METRN: variants seen among roughly 807,000 people sequenced by gnomAD.
The protein encoded by METRN is meteorin, glial cell differentiation regulator.
A neutral mutation model predicts 17.4 loss-of-function variants in METRN; 17 were observed. That is an observed-to-expected ratio of 0.98 (90% CI 0.67 to 1.46). The LOEUF (loss-of-function observed/expected upper bound fraction) is 1.46. Ranked by LOEUF, METRN falls within the 40% of genes most tolerant of loss-of-function variation. The pLI is 0.00. For synonymous variants in METRN, 230 were observed against 210.8 expected, an observed-to-expected ratio of 1.09 and a Z score of -0.79; for missense variants, 489 against 456.2, an observed-to-expected ratio of 1.07 and a Z score of -0.65.
chr16:716,532 C>T (rs988217195), intron 2 of METRN: 2 of 1,525,826 alleles, frequency 1.3e-6, no homozygotes, highest in East Asian at 4.9e-5. Flanking sequence ...ACCACCCTTC[C>T]TCTGCCCCCA....
chr16:716,309 C>T (rs1398682553), intron 2 of METRN: 50 of 1,390,586 alleles, frequency 3.6e-5, no homozygotes, highest in Middle Eastern at 2.7e-4. Context: ...CAAAGCTGTC[C>T]GGGGCTCCCT....
At chr16:716,624 A>G in intron 2 of METRN, 1 of 1,535,330 alleles carries the variant, frequency 6.5e-7, no homozygotes, top group Non-Finnish European at 8.7e-7. Flanking sequence ...TGGGGTGCAT[A>G]TGTCAGATGG....
intron 2 of METRN, chr16:716,489 T>C: frequency 6.7e-7 from 1 of 1,482,666 alleles, no homozygotes; most frequent in South Asian, 1.3e-5. Flanking sequence ...GCTCTCGCTA[T>C]TCTGCCCCCT....
rs1326787376 is a variant in METRN, at chr16:718,652, AC to A, written c.*1268del. 6.8e-6 allele frequency: 1 copy of A among 146,944 alleles called. No homozygotes were observed. Among genetic ancestry groups the A allele is most frequent in the African/African-American group, 2.7e-5 (1 of 37,020 alleles). 9.1% of individuals were successfully genotyped at this position (146,944 alleles called of 1,614,324 possible). A position where few individuals can be genotyped will look rare whatever the true frequency, so the allele number is the denominator to read the frequency against. Reference sequence around the variant, plus strand: ...CTTCCACTGCACGTGCAAGAGACTTACCCTTTCACACAGATCACCTGCCTGC... The same window carrying A: ...CTTCCACTGCACGTGCAAGAGACTTACCTTTCACACAGATCACCTGCCTGC... On this transcript the variant is annotated 3_prime_UTR_variant, in exon 4 of 4. Transcript: ENST00000568223.
At chr16:716,099 G>A (rs1051268343) in intron 2 of METRN, 115 bp downstream of exon 2, 22 of 1,338,906 alleles carry the variant, frequency 1.6e-5, no homozygotes, top group Non-Finnish European at 2.1e-5. Context: ...AGCTACAAGG[G>A]TTGGATGGGC....
In METRN at chr16:715,215, C is replaced by T; in HGVS notation, c.-75C>T. The T allele has an allele frequency of 1.3e-6, 1 of 769,298 alleles. No individual in the cohort carries two copies. The highest frequency in any genetic ancestry group is 1.6e-6 in the Non-Finnish European group (1 of 627,954). 47.7% of individuals were successfully genotyped at this position (769,298 alleles called of 1,614,324 possible). A position where few individuals can be genotyped will look rare whatever the true frequency, so the allele number is the denominator to read the frequency against. ...CGGCCGGCGCCCCCGGCTGCTCCCG[C>T]CGCCGCCCGGACCCGCGCCCCGCCG... On this transcript the variant is annotated 5_prime_UTR_variant, in exon 1 of 4. Transcript: ENST00000568223.
rs759257848 is a variant in METRN, at chr16:719,583, A to T, written c.*2196A>T. On this transcript the variant is annotated 3_prime_UTR_variant, in exon 4 of 4. Transcript: ENST00000568223. Reference sequence around the variant, plus strand: ...GGGAGGCCCAGGCAAGCAGATCATGAGGTCAGGAGATGGAGACCATCCTGG... The same window carrying T: ...GGGAGGCCCAGGCAAGCAGATCATGTGGTCAGGAGATGGAGACCATCCTGG... The T allele has an allele frequency of 1.3e-5, 2 of 152,254 alleles. No homozygotes were observed. The highest frequency in any genetic ancestry group is 2.9e-5 in the Non-Finnish European group (2 of 68,026). 9.4% of individuals were successfully genotyped at this position (152,254 alleles called of 1,614,324 possible). A position where few individuals can be genotyped will look rare whatever the true frequency, so the allele number is the denominator to read the frequency against.
At position 716,952 on chromosome 16, in the gene METRN, C is replaced by T. The variant is rs112288908; in HGVS notation, c.525C>T (p.Ser175=). ...TGCCAGGTGCCTGCAGGCCCTGCAGCGACGCTGAGCTGCTCCTGGCCGCAT... is the reference window on the plus strand; with the variant it reads ...TGCCAGGTGCCTGCAGGCCCTGCAGTGACGCTGAGCTGCTCCTGGCCGCAT... ...LGVDGACRPC[S]DAELLLAACT... The change falls in exon 3 of 4, where the codon AGC becomes AGT. Residue 175 remains serine, a synonymous_variant. Transcript: ENST00000568223. The T allele has an allele frequency of 2.8e-3, 4,428 of 1,574,260 alleles. 109 individuals are homozygous for T. The African/African-American group carries it at 0.053, about 19-fold the overall frequency.
In METRN at chr16:715,288, C is replaced by G. The variant is rs2040150625; in HGVS notation, c.-2C>G. Reference sequence around the variant, plus strand: ...GACTCCCCGGACGCCGCCCGCCGTGCCATGGGGTTCCCGGCCGCGGCGCTG... The same window carrying G: ...GACTCCCCGGACGCCGCCCGCCGTGGCATGGGGTTCCCGGCCGCGGCGCTG... On this transcript the variant is annotated 5_prime_UTR_variant, in exon 1 of 4. Transcript: ENST00000568223. 1 of 1,324,920 alleles carries G rather than the reference C, an allele frequency of 7.5e-7. No individual in the cohort carries two copies. The allele number at this position is 1,324,920 out of a possible 1,614,324, so 82.1% of individuals were successfully genotyped here. A position where few individuals can be genotyped will look rare whatever the true frequency, so the allele number is the denominator to read the frequency against.
chr16:717,535 C>G lies in METRN; in HGVS notation c.*148C>G. The G allele has an allele frequency of 1.5e-6, 1 of 680,660 alleles. No homozygotes were observed. The highest frequency in any genetic ancestry group is 2.1e-6 in the Non-Finnish European group (1 of 468,138). The allele number at this position is 680,660 out of a possible 1,614,324, so 42.2% of individuals were successfully genotyped here. On this transcript the variant is annotated 3_prime_UTR_variant, in exon 4 of 4. Coordinates refer to ENST00000568223, the MANE Select transcript of METRN (RefSeq NM_024042.4). ...GCCCAGCCTTGGGCCTGCCTCGCAG[C>G]TGTGAGGATGGCTCCAATTCCTGCC... is the stretch of plus-strand genomic sequence containing the variant.
In METRN at chr16:715,625, T is replaced by C. The variant is rs1242462916; in HGVS notation, c.146T>C (p.Leu49Pro). The change falls in exon 2 of 4, where the codon CTG becomes CCG. Residue 49 changes from leucine (L) to proline (P), a missense_variant. Leu to Pro is a moderately conservative substitution (Grantham distance 98, BLOSUM62 -3). Transcript: ENST00000568223. ...QEPGSVGQLA[L>P]ACAEGAVEWL... is the part of the protein sequence containing the mutation. ...CCCGGCAGCGTGGGGCAGCTGGCCCTGGCCTGTGCGGAGGGCGCGGTTGAG... is the reference window on the plus strand; with the variant it reads ...CCCGGCAGCGTGGGGCAGCTGGCCCCGGCCTGTGCGGAGGGCGCGGTTGAG... The C allele has an allele frequency of 3.5e-6, 5 of 1,433,008 alleles. No homozygotes were observed. Among genetic ancestry groups the C allele is most frequent in the Non-Finnish European group, 4.6e-6 (5 of 1,098,504 alleles). 88.8% of individuals were successfully genotyped at this position (1,433,008 alleles called of 1,614,324 possible). A position where few individuals can be genotyped will look rare whatever the true frequency, so the allele number is the denominator to read the frequency against.
Position 717,126 on chromosome 16 carries a change from C to A in METRN, c.621C>A (p.Val207=), listed in dbSNP as rs1019952822. The change falls in exon 4 of 4, where the codon GTC becomes GTA. Residue 207 remains valine (V), a synonymous_variant. Transcript: ENST00000568223. ...VTHDVELQES[V]ITVVAARVLR... Reference sequence around the variant, plus strand: ...ATGACGTGGAGCTGCAGGAGTCTGTCATCACTGTGGTGGCCGCCCGTGTCC... The same window carrying A: ...ATGACGTGGAGCTGCAGGAGTCTGTAATCACTGTGGTGGCCGCCCGTGTCC... 2 of 1,601,674 alleles carry A rather than the reference C, an allele frequency of 1.2e-6. No individual in the cohort carries two copies. Among genetic ancestry groups the A allele is most frequent in the African/African-American group, 1.3e-5 (1 of 74,706 alleles).
At chr16:716,037 C>T (rs2040159488) in intron 2 of METRN, 53 bp downstream of exon 2, 1 of 1,385,982 alleles carries the variant, frequency 7.2e-7, no homozygotes, top group Non-Finnish European at 9.3e-7. Context: ...CTTACCCTGC[C>T]TGGGCTTGGC....
At position 716,014 on chromosome 16, in the gene METRN, G is replaced by T; in HGVS notation, c.505+30G>T. On this transcript the variant is annotated intron_variant, in intron 2 of 3. Coordinates refer to ENST00000568223, the MANE Select transcript of METRN (RefSeq NM_024042.4). ...GTGGCGGTCTGGTTGGGACAGGGTGGGAGTCCCGAAGTCTTACCCTGCCTG... is the reference window on the plus strand; with the variant it reads ...GTGGCGGTCTGGTTGGGACAGGGTGTGAGTCCCGAAGTCTTACCCTGCCTG... 1 of 1,437,552 alleles carries T rather than the reference G, an allele frequency of 7.0e-7. No individual in the cohort carries two copies. The highest frequency in any genetic ancestry group is 9.1e-7 in the Non-Finnish European group (1 of 1,102,094). The allele number at this position is 1,437,552 out of a possible 1,614,324, so 89.0% of individuals were successfully genotyped here. A position where few individuals can be genotyped will look rare whatever the true frequency, so the allele number is the denominator to read the frequency against.
At chr16:716,449 G>C (rs2040162757) in intron 2 of METRN, 31 of 1,438,306 alleles carry the variant, frequency 2.2e-5, no homozygotes, top group Non-Finnish European at 2.6e-5. Flanking sequence ...GGCTCTCCTG[G>C]AGCTTGGCGC....
chr16:715,335 C>T lies in METRN; in HGVS notation c.46C>T (p.Leu16Phe), dbSNP rs1374877851. 21 of 1,345,250 alleles carry T rather than the reference C, an allele frequency of 1.6e-5. No individual in the cohort carries two copies. The highest frequency in any genetic ancestry group is 1.5e-4 in the Admixed American group (4 of 26,704). 83.3% of individuals were successfully genotyped at this position (1,345,250 alleles called of 1,614,324 possible). ...AALLCALCCG[L>F]LAPAARAGYS... ...GCTGCTCTGCGCGCTGTGCTGCGGC[C>T]TCCTGGCCCCGGCTGCCCGCGCCGG... Residue 16 changes from leucine to phenylalanine, a missense_variant, in exon 1 of 4, where the codon CTC becomes TTC. Transcript: ENST00000568223.
chr16:716,916 C>T lies in METRN; in HGVS notation c.506-17C>T. On this transcript the variant is annotated splice_polypyrimidine_tract_variant and intron_variant, in intron 2 of 3. Coordinates refer to ENST00000568223, the MANE Select transcript of METRN (RefSeq NM_024042.4). ...GAGAGGGCAGGGCCTCTCCTCACCACCCCCTCTGCATGCCAGGTGCCTGCA... is the reference window on the plus strand; with the variant it reads ...GAGAGGGCAGGGCCTCTCCTCACCATCCCCTCTGCATGCCAGGTGCCTGCA... 5 of 1,540,334 alleles carry T rather than the reference C, an allele frequency of 3.2e-6. No homozygotes were observed. Among genetic ancestry groups the T allele is most frequent in the African/African-American group, 1.4e-5 (1 of 72,994 alleles).
chr16:716,286 C>G (rs899110005), intron 2 of METRN: 4 of 1,377,106 alleles, frequency 2.9e-6, no homozygotes, highest in Non-Finnish European at 3.7e-6. Context: ...GGGACAGAAT[C>G]GAAGCCTCCG....
Position 715,241 on chromosome 16 carries a change from G to A in METRN, c.-49G>A, listed in dbSNP as rs2040150213. ...CGCCGCCCGGACCCGCGCCCCGCCGGGGCAGCGGTGGTGAGAGCCCCGACT... is the reference window on the plus strand; with the variant it reads ...CGCCGCCCGGACCCGCGCCCCGCCGAGGCAGCGGTGGTGAGAGCCCCGACT... On this transcript the variant is annotated 5_prime_UTR_variant, in exon 1 of 4. Transcript: ENST00000568223. 9.5e-7 allele frequency: 1 copy of A among 1,051,964 alleles called. No individual in the cohort carries two copies. The highest frequency in any genetic ancestry group is 1.2e-6 in the Non-Finnish European group (1 of 850,078). 65.2% of individuals were successfully genotyped at this position (1,051,964 alleles called of 1,614,324 possible).
Sources: gnomAD v4.1 joint callset for allele counts on GRCh38, gnomAD v4.1.1 for gene constraint, MANE v1.5 for transcripts, NCBI Gene and HGNC (gene_info 2026-07-23, HGNC 2026-07-21) for gene names.